MYO18A: variants seen among roughly 807,000 people sequenced by gnomAD.
MYO18A encodes the protein unconventional myosin-XVIIIa.
MYO18A carries 78 observed loss-of-function variants against 235.8 expected under a neutral mutation model. That is an observed-to-expected ratio of 0.33 (90% CI 0.28 to 0.40). MYO18A has a LOEUF of 0.40. Ranked by LOEUF, MYO18A falls within the 10% of genes least tolerant of loss-of-function variation. The probability of loss-of-function intolerance (pLI) is 1.00; values close to 1 mark genes in which losing one functional copy is unlikely to be tolerated. For synonymous variants in MYO18A, 977 were observed against 1,077.8 expected (o/e 0.91, Z 1.83); for missense variants, 2,215 against 2,699.3 (o/e 0.82, Z 3.98).
At chr17:29,079,720 C>G (rs1015934662) in intron 41 of MYO18A, 9 of 985,904 alleles carry the variant, frequency 9.1e-6, no homozygotes, top group Non-Finnish European at 1.1e-5. Flanking sequence ...GGCCAGGTGC[C>G]ACCTACTGCA....
chr17:29,150,480 G>A (rs893574940), intron 2 of MYO18A, among the ~76,000 whole-genome samples: 1 of 152,374 alleles, frequency 6.6e-6, no homozygotes, highest in African/African-American at 2.4e-5. Context: ...TGGTGGTTGA[G>A]GTGTAGAAAT....
chr17:29,111,039 G>A lies in MYO18A; in HGVS notation c.2900+385C>T. Among the ~76,000 whole-genome samples, 1 of 152,228 alleles carries A rather than the reference G, an allele frequency of 6.6e-6. No individual in the cohort carries two copies. Among genetic ancestry groups the A allele is most frequent in the East Asian group, 1.9e-4 (1 of 5,200 alleles). On this transcript the variant is annotated intron_variant, in intron 17 of 41. Transcript: ENST00000527372. This position sits in a 1 kb window ranked among gnomAD's most constrained non-coding sequence, Gnocchi z 5.1. ...TTAGAATGTAAATTCCACAAGGGCA[G>A]GGAGTTCAGTTTTGTTTACTATTAT...
At chr17:29,147,910 G>A (rs2067881776) in intron 2 of MYO18A, among the ~76,000 whole-genome samples, 1 of 146,668 alleles carries the variant, frequency 6.8e-6, no homozygotes, top group South Asian at 2.1e-4. Flanking sequence ...AAAAAAAAAG[G>A]AAGTCAAGGT....
Position 29,121,268 on chromosome 17 carries a change from C to A in MYO18A, c.1372-57G>T. 1 of 1,515,300 alleles carries A rather than the reference C, an allele frequency of 6.6e-7. No individual in the cohort carries two copies. Among genetic ancestry groups the A allele is most frequent in the Non-Finnish European group, 9.0e-7 (1 of 1,116,238 alleles). 93.9% of individuals were successfully genotyped at this position (1,515,300 alleles called of 1,614,324 possible). A position where few individuals can be genotyped will look rare whatever the true frequency, so the allele number is the denominator to read the frequency against. On this transcript the variant is annotated intron_variant, in intron 5 of 41. Transcript: ENST00000527372. The surrounding 1 kb of genome is among the most constrained non-coding windows in gnomAD (Gnocchi z 4.2). The stretch of plus-strand genomic sequence containing the variant: ...TGGCTCTTAGCTGATCCCATTAAGA[C>A]ACCCCTCACCCCCAAGGTCCACATC...
Position 29,118,579 on chromosome 17 carries a change from G to A in MYO18A, c.1830-139C>T, listed in dbSNP as rs1021466241. The A allele has an allele frequency of 6.2e-5, 46 of 746,262 alleles. 2 individuals carry two copies. In the South Asian group the frequency reaches 7.7e-4, roughly 12 times the overall value. The allele number at this position is 746,262 out of a possible 1,614,324, so 46.2% of individuals were successfully genotyped here. Reference sequence around the variant, plus strand: ...TCATCCCATCATCCCCAACTGGCGGGCCAGCTGTCACTGCTTTCCTAACTG... The same window carrying A: ...TCATCCCATCATCCCCAACTGGCGGACCAGCTGTCACTGCTTTCCTAACTG... On this transcript the variant is annotated intron_variant, in intron 8 of 41. Coordinates refer to ENST00000527372, the MANE Select transcript of MYO18A (RefSeq NM_078471.4). The surrounding 1 kb of genome is among the most constrained non-coding windows in gnomAD (Gnocchi z 4.2).
At chr17:29,088,988 G>T (rs2066326233) in intron 37 of MYO18A, among the ~76,000 whole-genome samples, 1 of 150,392 alleles carries the variant, frequency 6.6e-6, no homozygotes. Context: ...CAAGGCTACA[G>T]TGAGCCATGA....
intron 1 of MYO18A, among the ~76,000 whole-genome samples, chr17:29,178,900 C>G (rs2068589906): frequency 6.6e-6 from 1 of 152,226 alleles, no homozygotes; most frequent in African/African-American, 2.4e-5. Flanking sequence ...GGTGGCCTCC[C>G]CTCCCTTCCA....
At chr17:29,133,356 C>G (rs1368960090) in intron 2 of MYO18A, among the ~76,000 whole-genome samples, 4 of 152,256 alleles carry the variant, frequency 2.6e-5, no homozygotes, top group Admixed American at 2.6e-4. Flanking sequence ...CTGAATCACC[C>G]TCTGGACCCA....
At chr17:29,145,061 T>C (rs865998617) in intron 2 of MYO18A, among the ~76,000 whole-genome samples, 11 of 152,248 alleles carry the variant, frequency 7.2e-5, no homozygotes, top group Admixed American at 1.3e-4. Flanking sequence ...GTTGAACTTA[T>C]TGAAGTTTAC....
In MYO18A at chr17:29,104,320, C is replaced by T. The variant is rs193195437; in HGVS notation, c.3442-656G>A. On this transcript the variant is annotated intron_variant, in intron 20 of 41. Coordinates refer to ENST00000527372, the MANE Select transcript of MYO18A (RefSeq NM_078471.4). ...GCCCAAGGGAAAGAGAAGAGGAGAA[C>T]ACGCAGCAGGTGTTAAGGAGACAGA... Among the ~76,000 whole-genome samples, 695 of 152,330 alleles carry T rather than the reference C, an allele frequency of 4.6e-3. 9 individuals carry two copies. Among genetic ancestry groups the T allele is most frequent in the African/African-American group, 0.016 (654 of 41,570 alleles).
intron 19 of MYO18A, among the ~76,000 whole-genome samples, chr17:29,108,537 CA>C (rs2066848339): frequency 6.6e-6 from 1 of 152,218 alleles, no homozygotes; most frequent in Admixed American, 6.5e-5. Flanking sequence ...CTCAAGGTCA[CA>C]AAGGCTGCTG....
rs1045577615 is a variant in MYO18A, at chr17:29,106,725, A to G, written c.3441+355T>C. ...GAGGAATGTTCGCCCAGCCCTGGACAGCTTCCTGCTTCAGGAACCAATCCC... is the reference window on the plus strand; with the variant it reads ...GAGGAATGTTCGCCCAGCCCTGGACGGCTTCCTGCTTCAGGAACCAATCCC... On this transcript the variant is annotated intron_variant, in intron 20 of 41. Coordinates refer to ENST00000527372, the MANE Select transcript of MYO18A (RefSeq NM_078471.4). This position sits in a 1 kb window ranked among gnomAD's most constrained non-coding sequence, Gnocchi z 4.6. 6.6e-6 allele frequency among the ~76,000 whole-genome samples: 1 copy of G among 152,218 alleles called. No individual in the cohort carries two copies. The highest frequency in any genetic ancestry group is 2.4e-5 in the African/African-American group (1 of 41,446).
In MYO18A at chr17:29,091,233, C is replaced by G. The variant is rs541430260; in HGVS notation, c.5188-307G>C. The G allele has an allele frequency of 7.2e-4, 258 of 357,530 alleles. 4 individuals are homozygous for G. The South Asian group carries it at 7.4e-3, about 10-fold the overall frequency. The allele number at this position is 357,530 out of a possible 1,614,324, so 22.1% of individuals were successfully genotyped here. On this transcript the variant is annotated intron_variant, in intron 34 of 41. Coordinates refer to ENST00000527372, the MANE Select transcript of MYO18A (RefSeq NM_078471.4). ...GGTCTGCCCAGAACAAATGACCCAT[C>G]ATCCTGGCACTATCAGTCCAGGCCC...
intron 37 of MYO18A, among the ~76,000 whole-genome samples, chr17:29,088,393 C>G (rs2066312728): frequency 6.6e-6 from 1 of 152,162 alleles, no homozygotes; most frequent in Admixed American, 6.5e-5. Context: ...CTCTCCAGCT[C>G]TCCTGAGAAC....
intron 2 of MYO18A, among the ~76,000 whole-genome samples, chr17:29,144,653 A>G (rs908018209): frequency 2.0e-5 from 3 of 152,258 alleles, no homozygotes; most frequent in African/African-American, 7.2e-5. Context: ...GTACATGTAA[A>G]GCAACTGATG....
intron 2 of MYO18A, among the ~76,000 whole-genome samples, chr17:29,149,226 C>G (rs1036058819): frequency 2.6e-5 from 4 of 152,244 alleles, no homozygotes; most frequent in Non-Finnish European, 5.9e-5. Context: ...GAGCTCGGTG[C>G]CCACTTTGTT....
intron 26 of MYO18A, 81 bp downstream of exon 26, chr17:29,097,707 A>G (rs2066553609): frequency 2.4e-6 from 3 of 1,238,876 alleles, no homozygotes; most frequent in Non-Finnish European, 3.4e-6. Context: ...ACAGGCCTGG[A>G]CAAGGGGCAT....
chr17:29,149,351 C>T (rs2067920716), intron 2 of MYO18A, among the ~76,000 whole-genome samples: 1 of 152,216 alleles, frequency 6.6e-6, no homozygotes, highest in Admixed American at 6.5e-5. Context: ...TCAAAAGACG[C>T]CAGGAAAGCC....
At chr17:29,171,933 G>A (rs1460428635) in intron 1 of MYO18A, among the ~76,000 whole-genome samples, 1 of 151,936 alleles carries the variant, frequency 6.6e-6, no homozygotes, top group African/African-American at 2.4e-5. Context: ...TAGCCTGATG[G>A]ATGGATCAAG....
Sources: gnomAD v4.1 joint callset for allele counts (sites outside exome capture counted in the v4.1 genomes callset) on GRCh38, gnomAD v4.1.1 for gene constraint, Gnocchi (gnomAD v3.1) non-coding constraint, MANE v1.5 for transcripts, NCBI Gene and HGNC (gene_info 2026-07-23, HGNC 2026-07-21) for gene names.